The following SEMA3E variants were observed in gnomAD, a reference collection of about 807,000 sequenced individuals.
SEMA3E encodes semaphorin-3E.
A neutral mutation model predicts 93.6 loss-of-function variants in SEMA3E; 49 were observed. The ratio of observed to expected loss-of-function variants is 0.52; its 90% CI spans 0.42 to 0.66. The LOEUF (loss-of-function observed/expected upper bound fraction) is 0.66, where lower values mean the gene tolerates loss of function less well. Among genes scored for constraint, SEMA3E ranks in the 30% least tolerant of loss-of-function variants. SEMA3E has a pLI of 0.00. For synonymous variants in SEMA3E, 363 were observed against 330.7 expected (o/e 1.10, Z -1.06); for missense variants, 906 against 964.8 (o/e 0.94, Z 0.81).
intron 5 of SEMA3E, among the ~76,000 whole-genome samples, chr7:83,416,268 T>G (rs963995700): frequency 1.3e-5 from 2 of 152,108 alleles, no homozygotes; most frequent in Non-Finnish European, 2.9e-5. Flanking sequence ...CTCCTTTGAT[T>G]TGATTTCTCT....
intron 2 of SEMA3E, among the ~76,000 whole-genome samples, chr7:83,475,678 T>C (rs1789995173): frequency 6.6e-6 from 1 of 152,166 alleles, no homozygotes. Flanking sequence ...GTCTTTCGTC[T>C]CTGACCCAAG....
intron 4 of SEMA3E, among the ~76,000 whole-genome samples, chr7:83,465,523 T>C (rs1209070671): frequency 6.6e-6 from 1 of 152,200 alleles, no homozygotes; most frequent in African/African-American, 2.4e-5. Flanking sequence ...ATAAGGAATA[T>C]CAGAAATAAT....
intron 2 of SEMA3E, among the ~76,000 whole-genome samples, chr7:83,485,889 T>A (rs1333042585): frequency 6.6e-6 from 1 of 152,114 alleles, no homozygotes; most frequent in African/African-American, 2.4e-5. Flanking sequence ...GTTATGTATA[T>A]CCTTTTCTGT....
intron 16 of SEMA3E, among the ~76,000 whole-genome samples, chr7:83,378,597 A>G (rs1787708980): frequency 6.6e-6 from 1 of 151,888 alleles, no homozygotes; most frequent in South Asian, 2.1e-4. Context: ...TCGTGCCTTA[A>G]CATCCCACTT....
intron 2 of SEMA3E, among the ~76,000 whole-genome samples, chr7:83,470,862 CTTTTTT>C (rs60392556): frequency 7.1e-6 from 1 of 139,942 alleles, no homozygotes; most frequent in African/African-American, 2.6e-5. Flanking sequence ...CCCACATTTT[CTTTTTT>C]TTTTTTTTTT....
At chr7:83,405,652 A>G in intron 8 of SEMA3E, 133 bp from the exon 9 acceptor site, 1 of 809,480 alleles carries the variant, frequency 1.2e-6, no homozygotes, top group Non-Finnish European at 2.1e-6. Context: ...CAATCATACA[A>G]CCATGACCAA....
At chr7:83,627,703 T>C (rs969999505) in intron 1 of SEMA3E, among the ~76,000 whole-genome samples, 8 of 149,340 alleles carry the variant, frequency 5.4e-5, no homozygotes, top group African/African-American at 2.0e-4. Flanking sequence ...TTTGAGCCTA[T>C]GTATGTCTTT....
rs1241323395 is a variant in SEMA3E at position 83,611,753 on chromosome 7, TC to T, written c.115+36674del. Among the ~76,000 whole-genome samples, 3 of 151,950 alleles carry T rather than the reference TC, an allele frequency of 2.0e-5. No individual in the cohort carries two copies. In the East Asian group the frequency reaches 5.8e-4, roughly 29 times the overall value. ...TCATGTCCTACATAAACTATTAAAA[TC>T]CCCTACAGATTTATTTCCCTGTTTC... On this transcript the variant is annotated intron_variant, in intron 1 of 16. Coordinates refer to ENST00000643230, the MANE Select transcript of SEMA3E (RefSeq NM_012431.3).
intron 16 of SEMA3E, chr7:83,372,688 G>GA (rs1273147289): frequency 2.2e-5 from 3 of 134,384 alleles, no homozygotes; most frequent in Admixed American, 7.4e-5. Flanking sequence ...CCATGTTAGA[G>GA]ATAGTGCCTC....
chr7:83,501,162 G>A (rs985451987), intron 1 of SEMA3E, among the ~76,000 whole-genome samples: 4 of 151,944 alleles, frequency 2.6e-5, no homozygotes, highest in Non-Finnish European at 5.9e-5. Context: ...ATGATATCTG[G>A]TTACTTCATC....
intron 1 of SEMA3E, among the ~76,000 whole-genome samples, chr7:83,583,426 G>A (rs1792555416): frequency 6.6e-6 from 1 of 152,146 alleles, no homozygotes; most frequent in African/African-American, 2.4e-5. Context: ...AGGAGAAGCA[G>A]TATCAAAATT....
rs114738543 is a variant in SEMA3E, at chr7:83,599,530, A to G, written c.115+48898T>C. ...CATAGCTGGTTTTTAATAACAGTAA[A>G]ATTAAGTTTATTTTTGTTAACATAA... is the stretch of plus-strand genomic sequence containing the variant. On this transcript the variant is annotated intron_variant, in intron 1 of 16. Transcript: ENST00000643230. 4.7e-3 allele frequency among the ~76,000 whole-genome samples: 713 copies of G among 152,280 alleles called. 6 individuals are homozygous for G. Among genetic ancestry groups the G allele is most frequent in the African/African-American group, 0.015 (606 of 41,554 alleles).
At chr7:83,379,342 C>G (rs1787729449) in intron 16 of SEMA3E, among the ~76,000 whole-genome samples, 1 of 151,626 alleles carries the variant, frequency 6.6e-6, no homozygotes, top group South Asian at 2.1e-4. Context: ...AGAGTCACCA[C>G]TATGCAATGT....
chr7:83,582,462 C>A (rs1792534793), intron 1 of SEMA3E, among the ~76,000 whole-genome samples: 1 of 151,950 alleles, frequency 6.6e-6, no homozygotes, highest in Non-Finnish European at 1.5e-5. Flanking sequence ...AGATGGTAAA[C>A]CACTCTTTTC....
intron 1 of SEMA3E, among the ~76,000 whole-genome samples, chr7:83,575,815 C>T (rs1792389184): frequency 6.6e-6 from 1 of 152,144 alleles, no homozygotes; most frequent in African/African-American, 2.4e-5. Context: ...ATTCATAACT[C>T]CTTTTTGGAA....
At chr7:83,435,128 C>T (rs1788977368) in intron 4 of SEMA3E, among the ~76,000 whole-genome samples, 1 of 152,086 alleles carries the variant, frequency 6.6e-6, no homozygotes, top group Admixed American at 6.5e-5. Flanking sequence ...AATGTTAGAC[C>T]TTGAAAAAGT....
chr7:83,602,081 G>A (rs550126478), intron 1 of SEMA3E, among the ~76,000 whole-genome samples: 4 of 152,040 alleles, frequency 2.6e-5, no homozygotes, highest in African/African-American at 4.8e-5. Flanking sequence ...CTGCCATTAC[G>A]AGTCACTCTA....
intron 1 of SEMA3E, among the ~76,000 whole-genome samples, chr7:83,578,147 T>TCGAA (rs1562840794): frequency 2.2e-4 from 33 of 150,636 alleles, no homozygotes; most frequent in Non-Finnish European, 4.1e-4. Flanking sequence ...GTTTTCTCAT[T>TCGAA]AAAAAAAAAC....
At chr7:83,458,954 T>TGC (rs1789552771) in intron 4 of SEMA3E, among the ~76,000 whole-genome samples, 1 of 53,996 alleles carries the variant, frequency 1.9e-5, no homozygotes, top group Non-Finnish European at 4.0e-5. Context: ...CATATGTATA[T>TGC]GTGTGTGTGT....
Sources: gnomAD v4.1 joint callset for allele counts (sites outside exome capture counted in the v4.1 genomes callset) on GRCh38, gnomAD v4.1.1 for gene constraint, MANE v1.5 for transcripts, NCBI Gene and HGNC (gene_info 2026-07-23, HGNC 2026-07-21) for gene names.